AP2B1: variants seen among roughly 807,000 people sequenced by gnomAD.
AP2B1 encodes the protein adaptor related protein complex 2 subunit beta 1.
AP2B1 carries 23 observed loss-of-function variants against 102.0 expected under a neutral mutation model. The observed-to-expected ratio is 0.23, with a 90% CI of 0.16 to 0.32. The LOEUF (loss-of-function observed/expected upper bound fraction) is 0.32. Among genes scored for constraint, AP2B1 ranks in the 10% least tolerant of loss-of-function variants. The pLI is 1.00. For missense variants in AP2B1, 541 were observed against 1,157.4 expected (o/e 0.47, Z 7.73); for synonymous variants, 381 against 421.2 (o/e 0.90, Z 1.17).
chr17:35,612,642 C>T (rs1671656), intron 5 of AP2B1, among the ~76,000 whole-genome samples: 96,039 of 152,030 alleles, frequency 0.63, 30,354 homozygotes, highest in Non-Finnish European at 0.65. Context: ...TTCCATGTTA[C>T]AGGTCAAGAA....
rs1266519559 is a variant in AP2B1, at chr17:35,596,742, AGCGGGCTGGTG to A, written c.38-1484_38-1474del. 2.6e-5 allele frequency among the ~76,000 whole-genome samples: 4 copies of A among 152,058 alleles called. No homozygotes were observed. The East Asian group carries it at 7.7e-4, about 29-fold the overall frequency. ...GAAGCCCACGGCGGCGCACACCCAG[AGCGGGCTGGTG>A]GCGAGTACAGCGCCCGCAGCTGCGC... On this transcript the variant is annotated intron_variant, in intron 2 of 21. Coordinates refer to ENST00000610402, the MANE Select transcript of AP2B1 (RefSeq NM_001030006.2).
intron 18 of AP2B1, among the ~76,000 whole-genome samples, chr17:35,696,664 C>T (rs587767084): frequency 6.6e-6 from 1 of 152,238 alleles, no homozygotes; most frequent in South Asian, 2.1e-4. Context: ...GCTGGGATTA[C>T]AGGCCTGAGC....
rs561681716 is a variant in AP2B1, at chr17:35,645,851, AAAAAC to A, written c.1536+3896_1536+3900del. The stretch of plus-strand genomic sequence containing the variant: ...GCAAGAAGACCTAGACTCTGTCTCA[AAAAAC>A]AAAACAAAACAAAACAAAAAAATGT... On this transcript the variant is annotated intron_variant, in intron 12 of 21. Coordinates refer to ENST00000610402, the MANE Select transcript of AP2B1 (RefSeq NM_001030006.2). Among the ~76,000 whole-genome samples the A allele has an allele frequency of 2.3e-3, 348 of 152,334 alleles. 1 individual carries two copies. Among genetic ancestry groups the A allele is most frequent in the African/African-American group, 8.1e-3 (338 of 41,576 alleles).
At chr17:35,636,173 T>C (rs2074602338) in intron 9 of AP2B1, among the ~76,000 whole-genome samples, 168 bp from the exon 10 acceptor site, 1 of 152,214 alleles carries the variant, frequency 6.6e-6, no homozygotes, top group East Asian at 1.9e-4. Flanking sequence ...TAAATAAAAC[T>C]GTATCATATA....
At chr17:35,699,599 A>G (rs1414920670) in intron 18 of AP2B1, among the ~76,000 whole-genome samples, 1 of 152,198 alleles carries the variant, frequency 6.6e-6, no homozygotes, top group East Asian at 1.9e-4. Context: ...TTAAAATGGA[A>G]TTAGCACTGG....
At chr17:35,647,412 C>A (rs906565354) in intron 12 of AP2B1, among the ~76,000 whole-genome samples, 7 of 151,984 alleles carry the variant, frequency 4.6e-5, no homozygotes, top group African/African-American at 1.5e-4. Flanking sequence ...CACACACAAA[C>A]AAAATCAACT....
intron 18 of AP2B1, among the ~76,000 whole-genome samples, chr17:35,699,453 G>A (rs1240375092): frequency 6.6e-6 from 1 of 152,170 alleles, no homozygotes; most frequent in Non-Finnish European, 1.5e-5. Flanking sequence ...AGGATGAACA[G>A]CAGTTTGGTA....
At chr17:35,607,244 T>TTAG (rs2073711532) in intron 4 of AP2B1, among the ~76,000 whole-genome samples, 1 of 152,224 alleles carries the variant, frequency 6.6e-6, no homozygotes, top group Non-Finnish European at 1.5e-5. Context: ...TGTTTGGAAC[T>TTAG]TAGTGTACAT....
intron 5 of AP2B1, among the ~76,000 whole-genome samples, chr17:35,623,348 G>A (rs2074235028): frequency 6.6e-6 from 1 of 152,056 alleles, no homozygotes; most frequent in South Asian, 2.1e-4. Context: ...CAGATCACCT[G>A]AGGTCAGGGG....
intron 4 of AP2B1, chr17:35,607,868 A>G (rs1484522773): frequency 1.1e-5 from 4 of 352,150 alleles, no homozygotes; most frequent in African/African-American, 6.4e-5. Context: ...GATGGTACGA[A>G]CTCCCTAAAC....
chr17:35,642,097 T>G, intron 12 of AP2B1, 122 bp downstream of exon 12: 3 of 641,950 alleles, frequency 4.7e-6, no homozygotes, highest in Non-Finnish European at 8.1e-6. Flanking sequence ...GGCCTTTAGA[T>G]CCTGTTAAAA....
At chr17:35,690,199 C>G (rs2076013779) in intron 18 of AP2B1, among the ~76,000 whole-genome samples, 2 of 152,254 alleles carry the variant, frequency 1.3e-5, no homozygotes, top group South Asian at 4.2e-4. Flanking sequence ...TACACTGCTT[C>G]TTTCTTCTAT....
intron 1 of AP2B1, among the ~76,000 whole-genome samples, chr17:35,592,338 A>T (rs1039384501): frequency 3.9e-5 from 6 of 152,046 alleles, no homozygotes; most frequent in African/African-American, 1.4e-4. Context: ...GAATATTATT[A>T]AAAAATATAT....
chr17:35,670,943 G>C, intron 15 of AP2B1, 45 bp downstream of exon 15: 1 of 1,597,294 alleles, frequency 6.3e-7, no homozygotes, highest in Non-Finnish European at 8.6e-7. Flanking sequence ...ACTGCCCCCT[G>C]TTTGATGCCT....
At chr17:35,644,877 C>G (rs1473846690) in intron 12 of AP2B1, among the ~76,000 whole-genome samples, 1 of 151,818 alleles carries the variant, frequency 6.6e-6, no homozygotes, top group African/African-American at 2.4e-5. Flanking sequence ...ACAAAAAATA[C>G]AAAAATTAGC....
chr17:35,602,128 T>G (rs1215804253), intron 3 of AP2B1, among the ~76,000 whole-genome samples: 1 of 152,232 alleles, frequency 6.6e-6, no homozygotes, highest in Non-Finnish European at 1.5e-5. Context: ...CTTTATTATG[T>G]ACTTAGCACT....
At chr17:35,602,483 G>A (rs1468505395) in intron 3 of AP2B1, among the ~76,000 whole-genome samples, 1 of 152,204 alleles carries the variant, frequency 6.6e-6, no homozygotes, top group African/African-American at 2.4e-5. Context: ...TGGAAATACA[G>A]TGTGAACCAC....
rs183099591 is a variant in AP2B1, at chr17:35,655,672, C to T, written c.1797-1927C>T. Among the ~76,000 whole-genome samples the T allele has an allele frequency of 2.0e-5, 3 of 152,218 alleles. No individual in the cohort carries two copies. The East Asian group carries it at 5.8e-4, about 29-fold the overall frequency. On this transcript the variant is annotated intron_variant, in intron 13 of 21. Coordinates refer to ENST00000610402, the MANE Select transcript of AP2B1 (RefSeq NM_001030006.2). ...GGGCATATACCTAGGAGTAGAATTGCTGGATCATAGAATAGGTTTCTAATT... is the reference window on the plus strand; with the variant it reads ...GGGCATATACCTAGGAGTAGAATTGTTGGATCATAGAATAGGTTTCTAATT...
At chr17:35,616,140 C>CTTTTT (rs1567817288) in intron 5 of AP2B1, among the ~76,000 whole-genome samples, 1 of 79,334 alleles carries the variant, frequency 1.3e-5, no homozygotes, top group Non-Finnish European at 2.6e-5. Context: ...TAAAAAATAT[C>CTTTTT]TCTTTTTTTT....
Sources: allele counts gnomAD v4.1 joint callset (sites outside exome capture counted in the v4.1 genomes callset), GRCh38; gene constraint gnomAD v4.1.1; transcripts MANE v1.5; gene names NCBI Gene and HGNC (gene_info 2026-07-23, HGNC 2026-07-21).